The following ADA2 variants were observed in gnomAD, a reference collection of about 807,000 sequenced individuals.
The protein encoded by ADA2 is adenosine deaminase CECR1.
ADA2 carries 29 observed loss-of-function variants against 44.2 expected under a neutral mutation model. The observed-to-expected ratio is 0.66, with a 90% CI of 0.49 to 0.89. ADA2 has a LOEUF of 0.89. Ranked by LOEUF, ADA2 falls within the 40% of genes least tolerant of loss-of-function variation. The pLI, the probability that ADA2 is intolerant of heterozygous loss-of-function variation, is 0.00. For synonymous variants in ADA2, 215 were observed against 234.9 expected, an observed-to-expected ratio of 0.92 and a Z score of 0.77; for missense variants, 637 against 644.8, an observed-to-expected ratio of 0.99 and a Z score of 0.13.
rs571544398 is a variant in ADA2 at position 17,187,773 on chromosome 22, A to G, written c.1081+566T>C. Among the ~76,000 whole-genome samples the G allele has an allele frequency of 2.0e-4, 30 of 152,172 alleles. No homozygotes were observed. In the East Asian group the frequency reaches 5.2e-3, roughly 26 times the overall value. ...GTTTGGAGCCTTGGGCTCTTCATCT[A>G]TCAAATGGAGATTAAAAACTGGGGA... On this transcript the variant is annotated intron_variant, in intron 7 of 9. Coordinates refer to ENST00000399837, the MANE Select transcript of ADA2 (RefSeq NM_001282225.2).
At chr22:17,199,416 T>TCCTCCCTCTCCTCCTCTATCCTCTTCC (rs2062241261) in intron 4 of ADA2, 1 of 429,644 alleles carries the variant, frequency 2.3e-6, no homozygotes, top group African/African-American at 2.5e-5. Context: ...TCTCAGCGTC[T>TCCTCCCTCTCCTCCTCTATCCTCTTCC]CCTCCCTCCC....
intron 5 of ADA2, 147 bp downstream of exon 5, chr22:17,191,536 C>T: frequency 1.2e-6 from 1 of 864,880 alleles, no homozygotes; most frequent in South Asian, 1.7e-5. Flanking sequence ...ACTGTGCTCT[C>T]ACACAGGCAC....
chr22:17,193,051 A>G, intron 4 of ADA2: 1 of 770,082 alleles, frequency 1.3e-6, no homozygotes, highest in East Asian at 2.6e-5. Flanking sequence ...AGAAGGTTCA[A>G]GGGCCAGATC....
chr22:17,184,510 C>CA (rs2062012917), intron 7 of ADA2, among the ~76,000 whole-genome samples: 1 of 152,248 alleles, frequency 6.6e-6, no homozygotes, highest in African/African-American at 2.4e-5. Context: ...CAGAATCACC[C>CA]ACACAATGGG....
intron 1 of ADA2, among the ~76,000 whole-genome samples, chr22:17,210,837 C>A (rs553284983): frequency 6.6e-6 from 1 of 152,212 alleles, no homozygotes; most frequent in East Asian, 1.9e-4. Flanking sequence ...ATCCACTCAT[C>A]TCAGCCTCCC....
intron 4 of ADA2, chr22:17,199,515 GT>G (rs1378347834): frequency 2.0e-6 from 3 of 1,535,528 alleles, no homozygotes; most frequent in African/African-American, 3.0e-5. Context: ...CAAGACAGTT[GT>G]CAGGATTTGC....
chr22:17,183,873 C>T (rs1188316514), intron 7 of ADA2, among the ~76,000 whole-genome samples: 1 of 151,430 alleles, frequency 6.6e-6, no homozygotes, highest in Non-Finnish European at 1.5e-5. Context: ...TTTAATAGTA[C>T]TGTCAAGATG....
intron 3 of ADA2, among the ~76,000 whole-genome samples, chr22:17,205,304 G>A (rs905124699): frequency 1.3e-5 from 2 of 152,122 alleles, no homozygotes; most frequent in African/African-American, 4.8e-5. Context: ...ACAAGCATGA[G>A]CCACCACACC....
At chr22:17,193,467 C>A (rs1217168646) in intron 4 of ADA2, among the ~76,000 whole-genome samples, 1 of 148,792 alleles carries the variant, frequency 6.7e-6, no homozygotes, top group African/African-American at 2.5e-5. Flanking sequence ...GAGTTCGAGA[C>A]CAGCCTGGCC....
chr22:17,193,877 C>G (rs527428748), intron 4 of ADA2, among the ~76,000 whole-genome samples: 1 of 150,260 alleles, frequency 6.7e-6, no homozygotes, highest in East Asian at 2.0e-4. Flanking sequence ...ACAATAGGGT[C>G]AGAGAGATAG....
In ADA2 at chr22:17,188,516, G is replaced by C. The variant is rs9619005; in HGVS notation, c.973-69C>G. The stretch of plus-strand genomic sequence containing the variant: ...CCTCACTTGCTGATGGCGCGCCCTG[G>C]AGCCTGTGCACACCCTTCCTTGTAC... On this transcript the variant is annotated intron_variant, in intron 6 of 9. Transcript: ENST00000399837. 0.7 allele frequency: 716,287 copies of C among 1,021,856 alleles called. 256,680 individuals carry two copies. The highest frequency in any genetic ancestry group is 0.78 in the Middle Eastern group (3,083 of 3,960). The allele number at this position is 1,021,856 out of a possible 1,614,324, so 63.3% of individuals were successfully genotyped here.
chr22:17,212,433 G>A (rs532649771), intron 1 of ADA2, among the ~76,000 whole-genome samples: 10 of 152,008 alleles, frequency 6.6e-5, no homozygotes, highest in South Asian at 4.2e-4. Flanking sequence ...CACCAGGCCC[G>A]GCTAATTTTT....
At chr22:17,197,038 T>C (rs2062200087) in intron 4 of ADA2, among the ~76,000 whole-genome samples, 1 of 151,854 alleles carries the variant, frequency 6.6e-6, no homozygotes, top group Non-Finnish European at 1.5e-5. Flanking sequence ...CCGGGCATGG[T>C]GATGGGCACC....
chr22:17,190,650 G>A (rs768891110), intron 5 of ADA2, among the ~76,000 whole-genome samples: 1 of 152,202 alleles, frequency 6.6e-6, no homozygotes, highest in African/African-American at 2.4e-5. Context: ...TCCAATCCTC[G>A]GCTCTGTGGG....
rs1350001862 is a variant in ADA2, at chr22:17,209,589, A to G, written c.89T>C (p.Ile30Thr). 3.7e-6 allele frequency: 6 copies of G among 1,614,090 alleles called. No individual in the cohort carries two copies. In the South Asian group the frequency reaches 5.5e-5, roughly 15 times the overall value. ...CAACAGATGCGCCCGTGTTTCATCT[A>G]TGGATAGAGCTGAGCCGAAGAAAGA... ...AMSFFGSALSIDETRAHLLLK... is the reference protein window; with the variant it reads ...AMSFFGSALSTDETRAHLLLK... The change falls in exon 2 of 10, where the codon ATA becomes ACA. Residue 30 changes from isoleucine to threonine, a missense_variant. By Grantham distance (89) the Ile-to-Thr change is moderately conservative. Coordinates refer to ENST00000399837, the MANE Select transcript of ADA2 (RefSeq NM_001282225.2).
At chr22:17,193,168 G>T in intron 4 of ADA2, 2 of 1,414,570 alleles carry the variant, frequency 1.4e-6, no homozygotes, top group Non-Finnish European at 2.0e-6. Context: ...TGGAAGTGCT[G>T]CTGATGTGCA....
intron 5 of ADA2, 23 bp downstream of exon 5, chr22:17,191,660 T>A: frequency 1.9e-6 from 3 of 1,600,214 alleles, no homozygotes; most frequent in Non-Finnish European, 1.7e-6. Context: ...CAACCCGAGC[T>A]TTTCAGCAAT....
rs768415914 is a variant in ADA2 at position 17,181,791 on chromosome 22, G to A, written c.1442+29C>T. The stretch of plus-strand genomic sequence containing the variant: ...ACAAGCTGCGGGCTGGAAGGAGGCG[G>A]GGGACCTGGGAGGACACAGGACACT... On this transcript the variant is annotated intron_variant, in intron 9 of 9. Coordinates refer to ENST00000399837, the MANE Select transcript of ADA2 (RefSeq NM_001282225.2). 9 of 1,591,436 alleles carry A rather than the reference G, an allele frequency of 5.7e-6. 1 individual carries two copies. The South Asian group carries it at 9.9e-5, about 18-fold the overall frequency.
intron 4 of ADA2, chr22:17,199,438 T>TCTTCCCCTCCCTCCCCTCCTCTATCAA: frequency 1.0e-6 from 1 of 995,472 alleles, no homozygotes; most frequent in Non-Finnish European, 1.6e-6. Context: ...TCCTCTATCC[T>TCTTCCCCTCCCTCCCCTCCTCTATCAA]CTTCCCCTCC....
Sources: gnomAD v4.1 joint callset for allele counts (sites outside exome capture counted in the v4.1 genomes callset) on GRCh38, gnomAD v4.1.1 for gene constraint, MANE v1.5 for transcripts, NCBI Gene and HGNC (gene_info 2026-07-23, HGNC 2026-07-21) for gene names.